ATP2B2: variants seen among roughly 807,000 people sequenced by gnomAD.
ATP2B2 encodes the protein plasma membrane calcium-transporting ATPase 2.
In ATP2B2, 15 loss-of-function variants were observed where a neutral mutation model predicts 120.0. The observed-to-expected ratio is 0.12, with a 90% CI of 0.08 to 0.19. ATP2B2 has a LOEUF of 0.19. Among genes scored for constraint, ATP2B2 ranks in the 10% least tolerant of loss-of-function variants. The pLI, the probability that ATP2B2 is intolerant of heterozygous loss-of-function variation, is 1.00. For missense variants in ATP2B2, 1,045 were observed against 1,719.8 expected (o/e 0.61, Z 6.94); for synonymous variants, 694 against 700.3 (o/e 0.99, Z 0.14).
At chr3:10,391,607 T>G (rs1299189985) in intron 5 of ATP2B2, among the ~76,000 whole-genome samples, 4 of 152,172 alleles carry the variant, frequency 2.6e-5, no homozygotes, top group African/African-American at 9.6e-5. Flanking sequence ...AGGGAGGGGC[T>G]TAGGCATAGT....
intron 2 of ATP2B2, among the ~76,000 whole-genome samples, chr3:10,611,646 G>A (rs939196737): frequency 1.3e-5 from 2 of 152,002 alleles, no homozygotes; most frequent in East Asian, 3.9e-4. Context: ...CCTCACCCAG[G>A]ATCTCCCAAA....
chr3:10,444,241 T>C (rs2063762306), intron 2 of ATP2B2, among the ~76,000 whole-genome samples: 1 of 152,200 alleles, frequency 6.6e-6, no homozygotes, highest in African/African-American at 2.4e-5. Context: ...CTGCCCAGGC[T>C]TCCGCCGAGT....
intron 1 of ATP2B2, among the ~76,000 whole-genome samples, chr3:10,686,043 C>CTTTTTTTTTTTTTTTTTTT (rs34073958): frequency 6.4e-5 from 6 of 93,214 alleles, no homozygotes; most frequent in African/African-American, 2.5e-4. Flanking sequence ...TTCCTCCTTT[C>CTTTTTTTTTTTTTTTTTTT]TTTTTTTTTT....
At chr3:10,455,410 T>G (rs865860912) in intron 1 of ATP2B2, among the ~76,000 whole-genome samples, 53 of 152,330 alleles carry the variant, frequency 3.5e-4, no homozygotes, top group African/African-American at 1.3e-3. Context: ...GCTGAGAGAC[T>G]AAATGAACTA....
At chr3:10,504,351 T>C (rs2066516907) in intron 1 of ATP2B2, among the ~76,000 whole-genome samples, 1 of 152,094 alleles carries the variant, frequency 6.6e-6, no homozygotes, top group Non-Finnish European at 1.5e-5. Context: ...CAGCTCTGCC[T>C]CCTCCCAGCG....
chr3:10,531,601 G>A lies in ATP2B2; in HGVS notation c.-320+2438C>T, dbSNP rs2067211400. On this transcript the variant is annotated intron_variant, in intron 3 of 21. Transcript: ENST00000646379. ...AAGTGATTGCTATGGTGATTTTTGT[G>A]ACTATGAATTCATTCAACCAACATG... is the stretch of plus-strand genomic sequence containing the variant. Among the ~76,000 whole-genome samples the A allele has an allele frequency of 2.0e-5, 3 of 152,188 alleles. No homozygotes were observed. In the South Asian group the frequency reaches 6.2e-4, roughly 32 times the overall value.
intron 1 of ATP2B2, among the ~76,000 whole-genome samples, chr3:10,658,476 C>A (rs1170832002): frequency 6.6e-6 from 1 of 152,108 alleles, no homozygotes; most frequent in Non-Finnish European, 1.5e-5. Context: ...ATTTGATCAA[C>A]TGGAAGAAAG....
chr3:10,653,461 T>C (rs556877152), intron 1 of ATP2B2, among the ~76,000 whole-genome samples: 3 of 152,274 alleles, frequency 2.0e-5, no homozygotes, highest in East Asian at 3.9e-4. Context: ...AGGGACCCAC[T>C]TGGGGGGCGT....
intron 1 of ATP2B2, among the ~76,000 whole-genome samples, chr3:10,488,778 T>C (rs1178976063): frequency 6.6e-6 from 1 of 152,058 alleles, no homozygotes; most frequent in African/African-American, 2.4e-5. Context: ...CACCATCCTC[T>C]CTCACCACAC....
At chr3:10,688,306 G>T (rs1487448060) in intron 1 of ATP2B2, among the ~76,000 whole-genome samples, 1 of 152,176 alleles carries the variant, frequency 6.6e-6, no homozygotes, top group African/African-American at 2.4e-5. Flanking sequence ...CTGAGCTCCA[G>T]CCCAGCAGAG....
At chr3:10,528,781 T>C (rs1359343870) in intron 3 of ATP2B2, among the ~76,000 whole-genome samples, 1 of 152,234 alleles carries the variant, frequency 6.6e-6, no homozygotes, top group Non-Finnish European at 1.5e-5. Flanking sequence ...TTCCTTCGCT[T>C]CCCAGCCTTT....
intron 1 of ATP2B2, among the ~76,000 whole-genome samples, chr3:10,623,444 TCACA>T (rs2069606854): frequency 6.6e-6 from 1 of 152,126 alleles, no homozygotes; most frequent in South Asian, 2.1e-4. Context: ...AGTGAGGATC[TCACA>T]CAGCCCAAAA....
intron 1 of ATP2B2, among the ~76,000 whole-genome samples, chr3:10,690,559 A>C (rs559034260): frequency 2.6e-5 from 4 of 152,270 alleles, no homozygotes; most frequent in African/African-American, 9.6e-5. Context: ...AAAGGTTGCC[A>C]CCTTACTCAA....
At chr3:10,404,353 T>C (rs754293717) in intron 3 of ATP2B2, among the ~76,000 whole-genome samples, 1 of 152,238 alleles carries the variant, frequency 6.6e-6, no homozygotes, top group Non-Finnish European at 1.5e-5. Flanking sequence ...ATGGTAATCA[T>C]AGCTGTCCTA....
In ATP2B2 at chr3:10,402,824, C is replaced by G. The variant is rs895459922; in HGVS notation, c.398-476G>C. ...TTTAATGTGGTAAAGTTCACAGACT[C>G]TACAGCACAGACAAGGCACAGAGGA... On this transcript the variant is annotated intron_variant, in intron 3 of 22. Coordinates refer to ENST00000360273, the MANE Select transcript of ATP2B2 (RefSeq NM_001001331.4). This position sits in a 1 kb window ranked among gnomAD's most constrained non-coding sequence, Gnocchi z 4.9. 6.6e-6 allele frequency among the ~76,000 whole-genome samples: 1 copy of G among 151,668 alleles called. No homozygotes were observed. The highest frequency in any genetic ancestry group is 1.5e-5 in the Non-Finnish European group (1 of 68,042).
intron 1 of ATP2B2, among the ~76,000 whole-genome samples, chr3:10,660,555 T>C (rs2070753286): frequency 6.6e-6 from 1 of 152,150 alleles, no homozygotes; most frequent in Non-Finnish European, 1.5e-5. Flanking sequence ...CAGGAAGAAG[T>C]TGATTCTCTG....
intron 1 of ATP2B2, among the ~76,000 whole-genome samples, chr3:10,628,538 C>A (rs1399673871): frequency 6.6e-6 from 1 of 152,222 alleles, no homozygotes; most frequent in African/African-American, 2.4e-5. Flanking sequence ...CGGAGGCAGG[C>A]CTCAACGCAG....
rs964097407 is a variant in ATP2B2, at chr3:10,511,306, T to C, written c.-320+22733A>G. On this transcript the variant is annotated intron_variant, in intron 3 of 21. Coordinates refer to the ATP2B2 transcript ENST00000646379. ...ATGCCCCAAGAAGAGTTTTTTGCAATTAACCTTTTTATATGCATCTGTGTT... is the reference window on the plus strand; with the variant it reads ...ATGCCCCAAGAAGAGTTTTTTGCAACTAACCTTTTTATATGCATCTGTGTT... Among the ~76,000 whole-genome samples the C allele has an allele frequency of 2.6e-5, 4 of 152,274 alleles. No individual in the cohort carries two copies. The East Asian group carries it at 7.8e-4, about 30-fold the overall frequency.
chr3:10,394,352 C>T (rs754139726), intron 5 of ATP2B2: 5 of 448,586 alleles, frequency 1.1e-5, no homozygotes, highest in Non-Finnish European at 2.3e-5. Flanking sequence ...GGCAAAGTGT[C>T]CCCCTCACAA....
Sources: allele counts gnomAD v4.1 joint callset (sites outside exome capture counted in the v4.1 genomes callset), GRCh38; gene constraint gnomAD v4.1.1; non-coding constraint Gnocchi (gnomAD v3.1); transcripts MANE v1.5; gene names NCBI Gene and HGNC (gene_info 2026-07-23, HGNC 2026-07-21).